SLC24A2: variants seen among roughly 807,000 people sequenced by gnomAD.
SLC24A2 encodes the protein solute carrier family 24 member 2.
Under a neutral mutation model 62.0 loss-of-function variants are expected in SLC24A2, and 36 were observed. That is an observed-to-expected ratio of 0.58 (90% CI 0.44 to 0.77). The LOEUF is 0.77. Ranked by LOEUF, SLC24A2 falls within the 30% of genes least tolerant of loss-of-function variation. The pLI is 0.00. For synonymous variants in SLC24A2, 358 were observed against 294.0 expected (o/e 1.22, Z -2.23); for missense variants, 846 against 817.9 (o/e 1.03, Z -0.42).
At chr9:19,540,009 CAG>C in intron 8 of SLC24A2, among the ~76,000 whole-genome samples, 1 of 14,816 alleles carries the variant, frequency 6.7e-5, no homozygotes, top group South Asian at 1.7e-3. Context: ...TCTGTTTTAT[CAG>C]AGACTAGGAT....
chr9:19,895,602 T>C, the SLC24A2 span, among the ~76,000 whole-genome samples: 8 of 150,124 alleles, frequency 5.3e-5, no homozygotes, highest in Non-Finnish European at 1.2e-4. Flanking sequence ...CTTTACAATA[T>C]ATAAATAGCT....
chr9:19,927,061 G>C, the SLC24A2 span: 1 of 152,314 alleles, frequency 6.6e-6, no homozygotes, highest in Admixed American at 6.5e-5. Flanking sequence ...GGAGACTCCA[G>C]AGCTGCATTT....
the SLC24A2 span, among the ~76,000 whole-genome samples, chr9:20,061,094 T>C: frequency 6.6e-6 from 1 of 152,056 alleles, no homozygotes; most frequent in South Asian, 2.1e-4. Context: ...TCAAGGATTA[T>C]AAAAATTGAC....
chr9:19,884,711 C>A, the SLC24A2 span, among the ~76,000 whole-genome samples: 2 of 152,086 alleles, frequency 1.3e-5, no homozygotes, highest in East Asian at 1.9e-4. Flanking sequence ...AGTATCTATA[C>A]AACCATTGTT....
the SLC24A2 span, among the ~76,000 whole-genome samples, chr9:19,947,808 A>AAAAGAAAGAAAAAG: frequency 6.8e-5 from 4 of 59,226 alleles, no homozygotes; most frequent in Non-Finnish European, 9.2e-5. Flanking sequence ...AAAAAAAAAA[A>AAAAGAAAGAAAAAG]AAAGAAAGAA....
chr9:19,741,649 C>A (rs1483550035), intron 2 of SLC24A2, among the ~76,000 whole-genome samples: 1 of 152,154 alleles, frequency 6.6e-6, no homozygotes, highest in Non-Finnish European at 1.5e-5. Context: ...AACTTTCTAC[C>A]TAGTTAACAA....
intron 2 of SLC24A2, among the ~76,000 whole-genome samples, chr9:19,682,884 T>A (rs1279916348): frequency 6.6e-6 from 1 of 152,130 alleles, no homozygotes; most frequent in Non-Finnish European, 1.5e-5. Context: ...CCATTTTCCA[T>A]TCTTTTTACT....
At chr9:20,307,441 A>G in the SLC24A2 span, among the ~76,000 whole-genome samples, 1 of 152,246 alleles carries the variant, frequency 6.6e-6, no homozygotes. Context: ...CATTTGGGAA[A>G]GGCTGCTTTC....
chr9:19,669,272 G>C (rs995606572), intron 2 of SLC24A2, among the ~76,000 whole-genome samples: 11 of 152,152 alleles, frequency 7.2e-5, no homozygotes, highest in African/African-American at 2.7e-4. Flanking sequence ...TGTGGTGCAG[G>C]AGGAAATGTG....
At chr9:20,265,883 C>T in the SLC24A2 span, among the ~76,000 whole-genome samples, 1 of 152,032 alleles carries the variant, frequency 6.6e-6, no homozygotes, top group Non-Finnish European at 1.5e-5. Flanking sequence ...TAAAATGGCC[C>T]CCTTGGGTGC....
At chr9:19,907,537 G>T in the SLC24A2 span, among the ~76,000 whole-genome samples, 6 of 152,280 alleles carry the variant, frequency 3.9e-5, no homozygotes, top group African/African-American at 1.4e-4. Flanking sequence ...AAGTCAAATT[G>T]TCCCTGTTTG....
intron 5 of SLC24A2, among the ~76,000 whole-genome samples, chr9:19,584,294 C>A (rs2225140): frequency 0.016 from 1,434 of 90,936 alleles, 18 homozygotes; most frequent in African/African-American, 0.021. Flanking sequence ...AAAAAAAAAA[C>A]AAACAAAAAA....
At chr9:19,548,937 G>C (rs993410974) in intron 8 of SLC24A2, among the ~76,000 whole-genome samples, 1 of 152,174 alleles carries the variant, frequency 6.6e-6, no homozygotes, top group African/African-American at 2.4e-5. Context: ...TTTGTTGAAT[G>C]AGTTTGTGTG....
chr9:19,830,147 G>A, the SLC24A2 span, among the ~76,000 whole-genome samples: 4 of 152,046 alleles, frequency 2.6e-5, no homozygotes, highest in Admixed American at 1.3e-4. Context: ...TGCCATGCAG[G>A]CCTTGAGGCC....
chr9:19,563,820 T>TCCTTCCTTCCTTCCTTCCTCCCTC (rs1835528861), intron 7 of SLC24A2, among the ~76,000 whole-genome samples: 1 of 92,944 alleles, frequency 1.1e-5, no homozygotes, highest in African/African-American at 5.5e-5. Flanking sequence ...CTTCCTTCCT[T>TCCTTCCTTCCTTCCTTCCTCCCTC]CCTTCCTCCC....
chr9:19,606,453 T>G (rs1350781376), intron 4 of SLC24A2, among the ~76,000 whole-genome samples: 1 of 152,170 alleles, frequency 6.6e-6, no homozygotes, highest in African/African-American at 2.4e-5. Flanking sequence ...CAACTGCATA[T>G]CTAAAGGCAG....
the SLC24A2 span, among the ~76,000 whole-genome samples, chr9:20,185,266 A>T: frequency 6.6e-6 from 1 of 152,244 alleles, no homozygotes; most frequent in Non-Finnish European, 1.5e-5. Context: ...TGCATATGTT[A>T]ATTAGCTTGA....
At chr9:20,078,265 G>C in the SLC24A2 span, among the ~76,000 whole-genome samples, 1 of 152,200 alleles carries the variant, frequency 6.6e-6, no homozygotes, top group South Asian at 2.1e-4. Flanking sequence ...GCTTGTTTCT[G>C]TTGCTATTAA....
the SLC24A2 span, among the ~76,000 whole-genome samples, chr9:20,163,168 C>T: frequency 2.0e-5 from 3 of 151,824 alleles, no homozygotes; most frequent in Non-Finnish European, 2.9e-5. Flanking sequence ...GGGTATTCAA[C>T]TAGGAAAAGA....
Sources: allele counts gnomAD v4.1 joint callset (sites outside exome capture counted in the v4.1 genomes callset), GRCh38; gene constraint gnomAD v4.1.1; transcripts MANE v1.5; gene names NCBI Gene and HGNC (gene_info 2026-07-23, HGNC 2026-07-21).